COL4A6: variants seen among roughly 807,000 people sequenced by gnomAD.
COL4A6 encodes collagen type IV alpha 6 chain.
In COL4A6, 59 loss-of-function variants were observed where a neutral mutation model predicts 126.7. That is an observed-to-expected ratio of 0.47 (90% CI 0.38 to 0.58). The LOEUF is 0.58. Among genes scored for constraint, COL4A6 ranks in the 20% least tolerant of loss-of-function variants. The pLI is 0.00. For synonymous variants in COL4A6, 547 were observed against 496.6 expected, an observed-to-expected ratio of 1.10 and a Z score of -1.35; for missense variants, 1,285 against 1,337.3, an observed-to-expected ratio of 0.96 and a Z score of 0.61.
At chrX:108,230,498 T>G (rs1403871251) in intron 3 of COL4A6, among the ~76,000 whole-genome samples, 1 of 111,688 alleles carries the variant, frequency 9.0e-6, no homozygotes, top group Non-Finnish European at 1.9e-5. Flanking sequence ...GTCTTTGCTT[T>G]ACAACTGAAA....
intron 2 of COL4A6, among the ~76,000 whole-genome samples, chrX:108,385,340 G>T (rs1183848910): frequency 9.0e-6 from 1 of 110,514 alleles, no homozygotes; most frequent in African/African-American, 3.3e-5. Flanking sequence ...TTTTTAAAAA[G>T]ATATTAAAGA....
At chrX:108,313,350 A>C (rs929694481) in intron 2 of COL4A6, among the ~76,000 whole-genome samples, 1 of 111,833 alleles carries the variant, frequency 8.9e-6, no homozygotes, top group African/African-American at 3.3e-5. Context: ...TAAAACTGGA[A>C]AGGCTTTGGG....
intron 2 of COL4A6, among the ~76,000 whole-genome samples, chrX:108,398,453 C>G (rs964525049): frequency 2.7e-5 from 3 of 111,119 alleles, no homozygotes; most frequent in Non-Finnish European, 5.7e-5. Flanking sequence ...AATTAAAGTT[C>G]AAGAACATAC....
chrX:108,437,957 C>T lies in COL4A6; in HGVS notation c.48G>A (p.Glu16=). The change falls in exon 2 of 45, where the codon GAG becomes GAA. Residue 16 remains glutamate (E), a synonymous_variant. Coordinates refer to ENST00000334504, the MANE Select transcript of COL4A6 (RefSeq NM_033641.4). The stretch of plus-strand genomic sequence containing the variant: ...AGAGACTCACCGCTGCTGCCAGTTC[C>T]TCGGTCAGGCACAACGTAACCAGGA... ...WLLLVTLCLT[E]ELAAAGEKSY... 8.3e-7 allele frequency: 1 copy of T among 1,211,165 alleles called. No individual in the cohort carries two copies. The highest frequency in any genetic ancestry group is 1.1e-6 in the Non-Finnish European group (1 of 895,313).
chrX:108,292,770 C>T (rs2038193714), intron 3 of COL4A6, among the ~76,000 whole-genome samples: 1 of 108,587 alleles, frequency 9.2e-6, no homozygotes, highest in Non-Finnish European at 1.9e-5. Flanking sequence ...AAGTCTCAGC[C>T]CCCATCTCAG....
At chrX:108,244,112 T>C in intron 3 of COL4A6, among the ~76,000 whole-genome samples, 1 of 18,064 alleles carries the variant, frequency 5.5e-5, no homozygotes, top group South Asian at 1.5e-3. Flanking sequence ...TGTTCACCAA[T>C]TTTTTTTTTT....
At chrX:108,211,761 A>C (rs1378307364) in intron 6 of COL4A6, 21 bp from the exon 7 acceptor site, 1 of 1,161,512 alleles carries the variant, frequency 8.6e-7, no homozygotes, top group East Asian at 3.0e-5. Context: ...TAGTTTAAAA[A>C]ATTGAAGAAA....
intron 2 of COL4A6, among the ~76,000 whole-genome samples, chrX:108,410,366 C>T (rs775986392): frequency 9.0e-6 from 1 of 111,365 alleles, no homozygotes; most frequent in Non-Finnish European, 1.9e-5. Flanking sequence ...ATAATTCAGG[C>T]ACTCAAGAGT....
chrX:108,342,628 T>G (rs946830684), intron 2 of COL4A6, among the ~76,000 whole-genome samples: 1 of 111,788 alleles, frequency 8.9e-6, no homozygotes, highest in Non-Finnish European at 1.9e-5. Flanking sequence ...TGGGTAGACA[T>G]CTTGCTGCAC....
intron 41 of COL4A6, among the ~76,000 whole-genome samples, chrX:108,162,475 AGAG>A (rs1164166381): frequency 8.8e-5 from 9 of 102,529 alleles, no homozygotes; most frequent in Non-Finnish European, 1.6e-4. Context: ...AAGAAGAAGA[AGAG>A]GAAGAAGAAG....
intron 2 of COL4A6, among the ~76,000 whole-genome samples, chrX:108,349,990 A>G (rs150808337): frequency 2.7e-3 from 306 of 111,724 alleles, no homozygotes; most frequent in African/African-American, 9.3e-3. Context: ...AATGTCAGCT[A>G]ACTTACTGAA....
intron 3 of COL4A6, among the ~76,000 whole-genome samples, chrX:108,244,263 C>T (rs1416280674): frequency 9.0e-6 from 1 of 111,320 alleles, no homozygotes; most frequent in Non-Finnish European, 1.9e-5. Context: ...TTGAAATCAA[C>T]ATTGAATTCC....
intron 2 of COL4A6, among the ~76,000 whole-genome samples, chrX:108,397,979 C>A (rs1030790197): frequency 8.9e-6 from 1 of 112,676 alleles, no homozygotes; most frequent in Non-Finnish European, 1.9e-5. Flanking sequence ...TTACTGAGTT[C>A]TTTTTACACT....
In COL4A6 at chrX:108,188,586, G is replaced by A; in HGVS notation, c.1518C>T (p.Gly506=). ...CTCTGGCTCCTTTAAGGCCTGGAAG[G>A]CCTATGAGACCCCATGGACCAGGTG... is the stretch of plus-strand genomic sequence containing the variant. ...PGPPGPWGLI[G]LPGLKGARGD... Residue 506 remains glycine (G), a synonymous_variant, in exon 21 of 45, where the codon GGC becomes GGT. Transcript: ENST00000334504. 8.3e-7 allele frequency: 1 copy of A among 1,200,581 alleles called. No individual in the cohort carries two copies. The highest frequency in any genetic ancestry group is 1.8e-5 in the South Asian group (1 of 54,594).
At chrX:108,404,971 C>A (rs1233671195) in intron 2 of COL4A6, among the ~76,000 whole-genome samples, 1 of 110,988 alleles carries the variant, frequency 9.0e-6, no homozygotes, top group Admixed American at 9.6e-5. Context: ...TTTTTAACAA[C>A]AGCAACCTCA....
chrX:108,251,286 C>T (rs897455032), intron 3 of COL4A6, among the ~76,000 whole-genome samples: 3 of 111,686 alleles, frequency 2.7e-5, no homozygotes, highest in African/African-American at 9.7e-5. Context: ...CAAACTGATT[C>T]CCTAATGTAT....
chrX:108,396,777 G>C (rs998091290), intron 2 of COL4A6, among the ~76,000 whole-genome samples: 4 of 111,228 alleles, frequency 3.6e-5, no homozygotes, highest in African/African-American at 1.3e-4. Flanking sequence ...TGAAGTCAGG[G>C]AAGACAATCA....
At chrX:108,223,614 G>C (rs1046741305) in intron 3 of COL4A6, among the ~76,000 whole-genome samples, 1 of 111,517 alleles carries the variant, frequency 9.0e-6, no homozygotes, top group Non-Finnish European at 1.9e-5. Context: ...GGAAAGCACC[G>C]CAGAAAAGTC....
At chrX:108,229,203 T>C (rs988739770) in intron 3 of COL4A6, among the ~76,000 whole-genome samples, 1 of 112,027 alleles carries the variant, frequency 8.9e-6, no homozygotes, top group Non-Finnish European at 1.9e-5. Context: ...TCCAGTTTGG[T>C]TCAGAATTTA....
Sources: allele counts gnomAD v4.1 joint callset (sites outside exome capture counted in the v4.1 genomes callset), GRCh38; gene constraint gnomAD v4.1.1; transcripts MANE v1.5; gene names NCBI Gene and HGNC (gene_info 2026-07-23, HGNC 2026-07-21).